Variants in MAGIX observed in about 807,000 individuals in gnomAD.
The protein encoded by MAGIX is MAGI family member, X-linked.
A neutral mutation model predicts 10.0 loss-of-function variants in MAGIX; 13 were observed. The observed-to-expected ratio is 1.30, with a 90% CI of 0.84 to 2.06. MAGIX has a LOEUF of 2.06. Ranked by LOEUF, MAGIX falls within the 30% of genes most tolerant of loss-of-function variation. The probability of loss-of-function intolerance (pLI) is 0.00; values close to 1 mark genes in which losing one functional copy is unlikely to be tolerated. For synonymous variants in MAGIX, 108 were observed against 106.8 expected (o/e 1.01, Z -0.07); for missense variants, 235 against 245.2 (o/e 0.96, Z 0.28).
At chrX:49,165,690 G>A (rs1369557607) in intron 4 of MAGIX, 3 of 318,814 alleles carry the variant, frequency 9.4e-6, no homozygotes, top group Non-Finnish European at 1.6e-5. Context: ...CGAAGGCAGA[G>A]TGGATCTTAG....
chrX:49,167,743 C>G (rs1477971755), exon 5 of MAGIX: 1 of 111,669 alleles, frequency 9.0e-6, no homozygotes, highest in Non-Finnish European at 1.9e-5. Flanking sequence ...CAGAAGTCAG[C>G]AAAGGGCTCA....
exon 3 of MAGIX, chrX:49,164,811 G>A (rs374343198): frequency 2.1e-4 from 259 of 1,207,703 alleles, no homozygotes; most frequent in Non-Finnish European, 2.7e-4. Context: ...TCCTTCTATC[G>A]GAGGCCTCCT....
chrX:49,164,702 C>T lies in MAGIX; in HGVS notation c.-54-5C>T, dbSNP rs185804361. ...ACAGCCCTCTCCACTGCTTTTATCT[C>T]CCAGCTGTTAGCGTGCTGGACTCTG... is the stretch of plus-strand genomic sequence containing the variant. On this transcript the variant is annotated splice_region_variant and splice_polypyrimidine_tract_variant and intron_variant, in intron 2 of 4. Coordinates refer to ENST00000616266, the Ensembl canonical transcript of MAGIX. 3.4e-3 allele frequency: 4,134 copies of T among 1,206,064 alleles called. 11 individuals carry two copies. The highest frequency in any genetic ancestry group is 0.02 in the Middle Eastern group (88 of 4,345).
At chrX:49,164,110 T>G in intron 2 of MAGIX, 181 bp downstream of exon 2, 1 of 363,126 alleles carries the variant, frequency 2.8e-6, no homozygotes, top group Non-Finnish European at 4.5e-6. Context: ...TCTAGCATAT[T>G]CCTTGAGGGT....
In MAGIX at chrX:49,165,895, G is replaced by A. The variant is rs2065362695; in HGVS notation, c.503-179G>A. On this transcript the variant is annotated intron_variant, in intron 4 of 4. Coordinates refer to ENST00000616266, the Ensembl canonical transcript of MAGIX. Reference sequence around the variant, plus strand: ...GCATGTTCTGGATCCAGGAGGGGAGGGGTCTCGGGAAAGGAGGTGTCGGGG... The same window carrying A: ...GCATGTTCTGGATCCAGGAGGGGAGAGGTCTCGGGAAAGGAGGTGTCGGGG... 10 of 441,898 alleles carry A rather than the reference G, an allele frequency of 2.3e-5. No individual in the cohort carries two copies. The South Asian group carries it at 3.7e-4, about 16-fold the overall frequency. The allele number at this position is 441,898 out of a possible 1,213,427, so 36.4% of individuals were successfully genotyped here. A position where few individuals can be genotyped will look rare whatever the true frequency, so the allele number is the denominator to read the frequency against.
exon 3 of MAGIX, chrX:49,164,980 G>C (rs369480246): frequency 8.3e-7 from 1 of 1,211,844 alleles, no homozygotes; most frequent in Non-Finnish European, 1.1e-6. Context: ...TCGCGGTTAC[G>C]CAGGCTTTGG....
chrX:49,165,245 C>T, exon 4 of MAGIX: 1 of 1,182,943 alleles, frequency 8.5e-7, no homozygotes, highest in Non-Finnish European at 1.1e-6. Context: ...CTCACCCATG[C>T]CCAGGCCGTG....
Position 49,164,700 on chromosome X carries a change from C to T in MAGIX, c.-54-7C>T. On this transcript the variant is annotated splice_region_variant and splice_polypyrimidine_tract_variant and intron_variant, in intron 2 of 4. Transcript: ENST00000616266. Reference sequence around the variant, plus strand: ...CAACAGCCCTCTCCACTGCTTTTATCTCCCAGCTGTTAGCGTGCTGGACTC... The same window carrying T: ...CAACAGCCCTCTCCACTGCTTTTATTTCCCAGCTGTTAGCGTGCTGGACTC... 8.3e-7 allele frequency: 1 copy of T among 1,207,470 alleles called. No homozygotes were observed. Among genetic ancestry groups the T allele is most frequent in the Non-Finnish European group, 1.1e-6 (1 of 891,447 alleles).
At chrX:49,167,463 G>C (rs1384752547) in exon 5 of MAGIX, 1 of 113,570 alleles carries the variant, frequency 8.8e-6, no homozygotes, top group African/African-American at 3.2e-5. Context: ...CCCCACAGGA[G>C]GGAAGCTGTG....
exon 5 of MAGIX, chrX:49,166,243 T>C: frequency 3.3e-6 from 4 of 1,204,377 alleles, no homozygotes; most frequent in Non-Finnish European, 4.5e-6. Flanking sequence ...CCACGGTTTC[T>C]CCTCCTGAGC....
exon 5 of MAGIX, chrX:49,166,580 T>G: frequency 2.4e-6 from 1 of 418,139 alleles, no homozygotes; most frequent in Non-Finnish European, 4.1e-6. Flanking sequence ...TCCAGCCGGC[T>G]AGCCTGCGCT....
intron 1 of MAGIX, chrX:49,162,903 C>T: frequency 1.1e-6 from 1 of 891,743 alleles, no homozygotes; most frequent in Non-Finnish European, 1.5e-6. Flanking sequence ...GAGCCGCGCA[C>T]AGGGGACGCC....
chrX:49,163,877 G>T, exon 2 of MAGIX: 1 of 1,036,893 alleles, frequency 9.6e-7, no homozygotes, highest in Non-Finnish European at 1.2e-6. Context: ...CGGTCGACGT[G>T]GCAGCGCTGG....
rs1557097632 is a variant in MAGIX, at chrX:49,165,371, C to T, written c.502+10C>T. 8.7e-7 allele frequency: 1 copy of T among 1,146,393 alleles called. No homozygotes were observed. The highest frequency in any genetic ancestry group is 1.2e-6 in the Non-Finnish European group (1 of 861,656). The allele number at this position is 1,146,393 out of a possible 1,213,427, so 94.5% of individuals were successfully genotyped here. A position where few individuals can be genotyped will look rare whatever the true frequency, so the allele number is the denominator to read the frequency against. The stretch of plus-strand genomic sequence containing the variant: ...CCCCGAAAAGGAGTTGGTGGGTTTC[C>T]CAAGGGAGAGAAGTCAGAGATCAGT... On this transcript the variant is annotated intron_variant, in intron 4 of 4. Coordinates refer to ENST00000616266, the Ensembl canonical transcript of MAGIX.
chrX:49,168,027 A>G (rs1179030650), exon 5 of MAGIX: 2 of 111,818 alleles, frequency 1.8e-5, no homozygotes, highest in Non-Finnish European at 3.8e-5. Context: ...ACCTGCATTG[A>G]CAAGTATTAA....
intron 4 of MAGIX, 81 bp downstream of exon 5, chrX:49,165,442 G>T: frequency 2.1e-6 from 2 of 959,096 alleles, no homozygotes; most frequent in Non-Finnish European, 2.8e-6. Flanking sequence ...GAGATTCTGG[G>T]TGGGAAGGGT....
exon 3 of MAGIX, chrX:49,164,959 G>T (rs2065355586): frequency 8.2e-7 from 1 of 1,212,331 alleles, no homozygotes; most frequent in Non-Finnish European, 1.1e-6. Context: ...TCATTTCTCT[G>T]TGGAGCTGGT....
chrX:49,166,535 C>A, exon 5 of MAGIX: 1 of 497,768 alleles, frequency 2.0e-6, no homozygotes, highest in Non-Finnish European at 3.2e-6. Context: ...GTGGCTCTGA[C>A]CACACTCCCC....
chrX:49,162,835 C>A, intron 1 of MAGIX: 1 of 761,827 alleles, frequency 1.3e-6, no homozygotes, highest in Non-Finnish European at 1.8e-6. Context: ...GAGCGCGCCC[C>A]AGAGCTCAAA....
Sources: gnomAD v4.1 joint callset for allele counts on GRCh38, gnomAD v4.1.1 for gene constraint, MANE v1.5 for transcripts, NCBI Gene and HGNC (gene_info 2026-07-23, HGNC 2026-07-21) for gene names.